The following SH3RF3 variants were observed in gnomAD, a reference collection of about 807,000 sequenced individuals.
The protein encoded by SH3RF3 is SH3 domain containing ring finger 3, also known as E3 ubiquitin-protein ligase SH3RF3.
SH3RF3 carries 29 observed loss-of-function variants against 66.3 expected under a neutral mutation model. The ratio of observed to expected loss-of-function variants is 0.44; its 90% CI spans 0.33 to 0.60. The LOEUF is 0.60. Among genes scored for constraint, SH3RF3 ranks in the 20% least tolerant of loss-of-function variants. The probability of loss-of-function intolerance (pLI) is 0.04; values close to 1 mark genes in which losing one functional copy is unlikely to be tolerated. For synonymous variants in SH3RF3, 583 were observed against 532.0 expected (o/e 1.10, Z -1.32); for missense variants, 1,194 against 1,190.9 (o/e 1.00, Z -0.04).
At chr2:109,254,768 C>T (rs1011032948) in intron 1 of SH3RF3, among the ~76,000 whole-genome samples, 1 of 152,092 alleles carries the variant, frequency 6.6e-6, no homozygotes, top group Non-Finnish European at 1.5e-5. Context: ...TGGCTCGGGA[C>T]AGTGCCCCAT....
chr2:109,489,912 A>G (rs1679086403), intron 8 of SH3RF3, among the ~76,000 whole-genome samples: 2 of 152,040 alleles, frequency 1.3e-5, no homozygotes, highest in African/African-American at 4.8e-5. Flanking sequence ...TAATTTTTGT[A>G]TTTTTAGTAG....
intron 7 of SH3RF3, 42 bp downstream of exon 7, chr2:109,437,188 G>C: frequency 6.4e-7 from 1 of 1,562,258 alleles, no homozygotes; most frequent in Non-Finnish European, 8.7e-7. Context: ...ATCAACAAGG[G>C]GGCTTCCTGG....
In SH3RF3 at chr2:109,280,153, C is replaced by G. The variant is rs907849268; in HGVS notation, c.574-67521C>G. On this transcript the variant is annotated intron_variant, in intron 1 of 9. Transcript: ENST00000309415. Reference sequence around the variant, plus strand: ...TTTCTTGCTGCAATGCTGTCAGAATCATAAAGAGCTGACATCTATAATTAA... The same window carrying G: ...TTTCTTGCTGCAATGCTGTCAGAATGATAAAGAGCTGACATCTATAATTAA... Among the ~76,000 whole-genome samples, 3 of 152,216 alleles carry G rather than the reference C, an allele frequency of 2.0e-5. No homozygotes were observed. The South Asian group carries it at 6.2e-4, about 32-fold the overall frequency.
intron 1 of SH3RF3, among the ~76,000 whole-genome samples, chr2:109,145,949 A>T (rs1379595523): frequency 6.6e-6 from 1 of 152,036 alleles, no homozygotes; most frequent in Non-Finnish European, 1.5e-5. Flanking sequence ...CTCCCCACAC[A>T]TTGTTGCTGT....
intron 1 of SH3RF3, among the ~76,000 whole-genome samples, chr2:109,236,539 G>T (rs776566886): frequency 3.3e-5 from 5 of 152,150 alleles, no homozygotes; most frequent in Non-Finnish European, 7.4e-5. Context: ...TTTTGTTTTG[G>T]TTATTTCTTT....
chr2:109,385,405 C>T (rs554502136), intron 3 of SH3RF3, among the ~76,000 whole-genome samples: 2 of 152,200 alleles, frequency 1.3e-5, no homozygotes, highest in Non-Finnish European at 2.9e-5. Context: ...GAAGAAGCCC[C>T]CATGTCCTGT....
intron 1 of SH3RF3, among the ~76,000 whole-genome samples, chr2:109,208,458 A>G (rs535899463): frequency 1.3e-5 from 2 of 152,352 alleles, no homozygotes; most frequent in Admixed American, 1.3e-4. Flanking sequence ...AGGAAGCCCA[A>G]GAAGCCCTGT....
At chr2:109,142,200 G>T (rs1430516177) in intron 1 of SH3RF3, among the ~76,000 whole-genome samples, 2 of 152,142 alleles carry the variant, frequency 1.3e-5, no homozygotes, top group African/African-American at 4.8e-5. Flanking sequence ...GCGGACTCTT[G>T]CGCCTTTGTG....
At chr2:109,165,978 C>T (rs917872250) in intron 1 of SH3RF3, among the ~76,000 whole-genome samples, 4 of 151,924 alleles carry the variant, frequency 2.6e-5, no homozygotes, top group Non-Finnish European at 5.9e-5. Flanking sequence ...CTTTTTTTCC[C>T]GCTGCTATTG....
chr2:109,463,768 A>G (rs1418929952), intron 8 of SH3RF3, among the ~76,000 whole-genome samples: 1 of 152,170 alleles, frequency 6.6e-6, no homozygotes, highest in Non-Finnish European at 1.5e-5. Flanking sequence ...ACATGCTAAG[A>G]CCATGGAGAA....
At chr2:109,134,351 C>T (rs1166448505) in intron 1 of SH3RF3, among the ~76,000 whole-genome samples, 5 of 152,092 alleles carry the variant, frequency 3.3e-5, no homozygotes, top group Non-Finnish European at 7.4e-5. Context: ...CACTTGGGGG[C>T]CTCACCAAAA....
intron 1 of SH3RF3, among the ~76,000 whole-genome samples, chr2:109,265,693 A>G (rs892396465): frequency 6.6e-6 from 1 of 152,268 alleles, no homozygotes; most frequent in African/African-American, 2.4e-5. Context: ...GCCACAGGTC[A>G]TCTGATTATA....
intron 7 of SH3RF3, among the ~76,000 whole-genome samples, chr2:109,438,288 A>G (rs1677468004): frequency 6.6e-6 from 1 of 152,078 alleles, no homozygotes; most frequent in South Asian, 2.1e-4. Context: ...CAGCATCGTC[A>G]CTGGGTGCAG....
chr2:109,362,807 C>T (rs558103962), intron 2 of SH3RF3, among the ~76,000 whole-genome samples: 2 of 152,176 alleles, frequency 1.3e-5, no homozygotes, highest in African/African-American at 2.4e-5. Context: ...TTGACCCCTT[C>T]GTCATTATGT....
chr2:109,339,880 T>A (rs1480320631), intron 1 of SH3RF3, among the ~76,000 whole-genome samples: 4 of 152,142 alleles, frequency 2.6e-5, no homozygotes, highest in Non-Finnish European at 5.9e-5. Context: ...CTTCCATAAT[T>A]AAACAGATAA....
At chr2:109,347,557 G>T (rs1682738575) in intron 1 of SH3RF3, 117 bp from the exon 2 acceptor site, 2 of 1,386,632 alleles carry the variant, frequency 1.4e-6, no homozygotes, top group African/African-American at 1.5e-5. Context: ...GGGGCACTCT[G>T]TATGCACCCC....
At chr2:109,156,326 C>T (rs1266846457) in intron 1 of SH3RF3, among the ~76,000 whole-genome samples, 1 of 152,222 alleles carries the variant, frequency 6.6e-6, no homozygotes, top group East Asian at 1.9e-4. Context: ...TCTTCCCCTG[C>T]TGGGACTGTG....
chr2:109,354,755 A>G (rs1682912617), intron 2 of SH3RF3, among the ~76,000 whole-genome samples: 1 of 152,232 alleles, frequency 6.6e-6, no homozygotes, highest in South Asian at 2.1e-4. Context: ...TCTGTTCTTC[A>G]CAAAGGCGCA....
intron 9 of SH3RF3, among the ~76,000 whole-genome samples, chr2:109,496,837 G>A (rs1345553109): frequency 2.0e-5 from 3 of 152,210 alleles, no homozygotes. Flanking sequence ...TTAAAATAAA[G>A]AGATTACCCG....
Sources: allele counts gnomAD v4.1 joint callset (sites outside exome capture counted in the v4.1 genomes callset), GRCh38; gene constraint gnomAD v4.1.1; transcripts MANE v1.5; gene names NCBI Gene and HGNC (gene_info 2026-07-23, HGNC 2026-07-21).